The following UBE4B variants were observed in gnomAD, a reference collection of about 807,000 sequenced individuals.
UBE4B encodes the protein ubiquitination factor E4B, also known as ubiquitin conjugation factor E4 B.
In UBE4B, 27 loss-of-function variants were observed where a neutral mutation model predicts 148.1. The observed-to-expected ratio is 0.18, with a 90% CI of 0.13 to 0.25. The LOEUF (loss-of-function observed/expected upper bound fraction) is 0.25. UBE4B is among the 10% of genes least tolerant of loss of function. UBE4B has a pLI of 1.00. For synonymous variants in UBE4B, 596 were observed against 619.3 expected, an observed-to-expected ratio of 0.96 and a Z score of 0.56; for missense variants, 1,170 against 1,662.4, an observed-to-expected ratio of 0.70 and a Z score of 5.15.
At chr1:10,110,968 C>A (rs972354044) in intron 7 of UBE4B, among the ~76,000 whole-genome samples, 4 of 151,270 alleles carry the variant, frequency 2.6e-5, no homozygotes, top group Non-Finnish European at 4.4e-5. Flanking sequence ...TGCACTCCAG[C>A]CTGGGTGATA....
At chr1:10,129,100 T>G in intron 11 of UBE4B, 1 of 342,016 alleles carries the variant, frequency 2.9e-6, no homozygotes, top group East Asian at 4.5e-5. Context: ...TACACAAAAA[T>G]ATATCTGAAA....
chr1:10,173,495 T>TTATA, intron 25 of UBE4B, among the ~76,000 whole-genome samples: 1 of 141,924 alleles, frequency 7.0e-6, no homozygotes. Context: ...AAAAAAAAAA[T>TTATA]TATATATATA....
chr1:10,045,723 T>G (rs1643900637), intron 1 of UBE4B, among the ~76,000 whole-genome samples: 1 of 151,420 alleles, frequency 6.6e-6, no homozygotes, highest in African/African-American at 2.4e-5. Context: ...CAGGGAGAGA[T>G]GATGTGGGGG....
chr1:10,164,861 C>T (rs1646223054), intron 23 of UBE4B, among the ~76,000 whole-genome samples: 1 of 152,058 alleles, frequency 6.6e-6, no homozygotes, highest in South Asian at 2.1e-4. Context: ...AATTTTGAGC[C>T]TAGTGGAATT....
At chr1:10,102,472 G>T (rs898295010) in intron 4 of UBE4B, among the ~76,000 whole-genome samples, 3 of 129,916 alleles carry the variant, frequency 2.3e-5, no homozygotes, top group African/African-American at 8.9e-5. Context: ...GTGCAATGGC[G>T]TGATCTTGGT....
At chr1:10,103,692 G>A (rs1362823614) in intron 5 of UBE4B, among the ~76,000 whole-genome samples, 3 of 148,928 alleles carry the variant, frequency 2.0e-5, no homozygotes, top group Non-Finnish European at 4.4e-5. Context: ...GTGCAGTGGC[G>A]CAGTCTTGGC....
At chr1:10,118,261 T>G (rs867714607) in intron 8 of UBE4B, among the ~76,000 whole-genome samples, 1 of 152,200 alleles carries the variant, frequency 6.6e-6, no homozygotes, top group South Asian at 2.1e-4. Context: ...GTTTCATATT[T>G]GTAAAGGGCC....
At chr1:10,167,573 T>C (rs1189286060) in intron 23 of UBE4B, among the ~76,000 whole-genome samples, 3 of 150,308 alleles carry the variant, frequency 2.0e-5, no homozygotes, top group African/African-American at 7.3e-5. Context: ...TCATCCTGAA[T>C]AGAAGTTGAT....
rs1645003884 is a variant in UBE4B, at chr1:10,101,153, T to A, written c.393T>A (p.Val131=). The A allele has an allele frequency of 6.2e-7, 1 of 1,614,018 alleles. No individual in the cohort carries two copies. The highest frequency in any genetic ancestry group is 8.5e-7 in the Non-Finnish European group (1 of 1,180,020). The change falls in exon 4 of 28, where the codon GTT becomes GTA. Residue 131 remains valine (V), a synonymous_variant. Transcript: ENST00000343090. The part of the protein sequence containing the change: ...DVDSGIENME[V]DENDRREKRS... The stretch of plus-strand genomic sequence containing the variant: ...ATTCAGGAATTGAAAACATGGAGGT[T>A]GATGAAAATGATCGAAGAGAAAAGC...
At chr1:10,076,948 C>T (rs919264601) in intron 2 of UBE4B, among the ~76,000 whole-genome samples, 15 of 150,072 alleles carry the variant, frequency 1.0e-4, no homozygotes, top group Non-Finnish European at 2.1e-4. Context: ...GGTTTCACCA[C>T]GTTGGCCAGG....
At chr1:10,151,005 C>G (rs1029529715) in intron 20 of UBE4B, among the ~76,000 whole-genome samples, 7 of 141,770 alleles carry the variant, frequency 4.9e-5, no homozygotes, top group African/African-American at 1.8e-4. Flanking sequence ...ACTAAAAATA[C>G]AAAAAAAATT....
chr1:10,067,220 C>A (rs1557525312), intron 1 of UBE4B, among the ~76,000 whole-genome samples: 1 of 151,944 alleles, frequency 6.6e-6, no homozygotes, highest in Non-Finnish European at 1.5e-5. Flanking sequence ...GGAAGTGCTG[C>A]GTCATATAAC....
Position 10,137,166 on chromosome 1 carries a change from G to A in UBE4B, c.2324G>A (p.Arg775His), listed in dbSNP as rs764605475. 1.8e-5 allele frequency: 29 copies of A among 1,613,898 alleles called. No individual in the cohort carries two copies. Among genetic ancestry groups the A allele is most frequent in the Non-Finnish European group, 2.4e-5 (28 of 1,180,018 alleles). ...HHLSILPSCR[R>H]YIRRLRAIRE... The stretch of plus-strand genomic sequence containing the variant: ...CTCTCTATTCTGCCTAGTTGCCGTC[G>A]CTATATCCGCAGACTCCGGGCTATC... The change falls in exon 17 of 28, where the codon CGC becomes CAC. Residue 775 changes from arginine to histidine, a missense_variant. This residue lies in a region of UBE4B where 388 missense variants were observed against 536.0 expected (regional missense o/e 0.72). Coordinates refer to ENST00000343090, the MANE Select transcript of UBE4B (RefSeq NM_001105562.3).
chr1:10,079,109 C>T (rs1340635075), intron 2 of UBE4B, among the ~76,000 whole-genome samples: 1 of 152,088 alleles, frequency 6.6e-6, no homozygotes, highest in East Asian at 1.9e-4. Context: ...ATGGAGTTCT[C>T]CATTGTTTTC....
At chr1:10,085,244 C>G (rs1283997619) in intron 2 of UBE4B, among the ~76,000 whole-genome samples, 2 of 152,204 alleles carry the variant, frequency 1.3e-5, no homozygotes, top group African/African-American at 2.4e-5. Context: ...ATACCCATCC[C>G]CTATCCTTAG....
chr1:10,127,283 A>G (rs1305534189), intron 11 of UBE4B, among the ~76,000 whole-genome samples: 1 of 152,068 alleles, frequency 6.6e-6, no homozygotes, highest in East Asian at 1.9e-4. Context: ...TTTTATCTTT[A>G]TGTGTTTACT....
intron 5 of UBE4B, among the ~76,000 whole-genome samples, chr1:10,103,399 CTTTATTTATTTATTTATTTA>C (rs149354050): frequency 1.7e-3 from 229 of 135,550 alleles, no homozygotes; most frequent in African/African-American, 3.8e-3. Flanking sequence ...ATTACCTCCT[CTTTATTTATTTATTTATTTA>C]TTTATTTATT....
chr1:10,101,338 T>C (rs936709308), intron 4 of UBE4B, 143 bp downstream of exon 4: 4 of 706,546 alleles, frequency 5.7e-6, no homozygotes, highest in Non-Finnish European at 9.4e-6. Context: ...TGAGGAAAAA[T>C]GAATAACCTA....
chr1:10,089,503 GAA>G (rs113766750), intron 2 of UBE4B, among the ~76,000 whole-genome samples: 3 of 134,532 alleles, frequency 2.2e-5, no homozygotes, highest in African/African-American at 2.7e-5. Context: ...ACATGTCTCT[GAA>G]AAAAAAAAAA....
Sources: allele counts gnomAD v4.1 joint callset (sites outside exome capture counted in the v4.1 genomes callset), GRCh38; gene constraint gnomAD v4.1.1; regional missense constraint gnomAD v4.1.1; transcripts MANE v1.5; gene names NCBI Gene and HGNC (gene_info 2026-07-23, HGNC 2026-07-21).